KCNB2: variants seen among roughly 807,000 people sequenced by gnomAD.
KCNB2 encodes delayed rectifier potassium channel protein.
A neutral mutation model predicts 61.5 loss-of-function variants in KCNB2; 15 were observed. The observed-to-expected ratio is 0.24, with a 90% CI of 0.16 to 0.38. KCNB2 has a LOEUF of 0.38. Among genes scored for constraint, KCNB2 ranks in the 10% least tolerant of loss-of-function variants. KCNB2 has a pLI of 1.00. For synonymous variants in KCNB2, 457 were observed against 446.0 expected (o/e 1.02, Z -0.31); for missense variants, 828 against 1,125.2 (o/e 0.74, Z 3.78).
intron 2 of KCNB2, among the ~76,000 whole-genome samples, chr8:72,907,541 T>G (rs1387858328): frequency 6.6e-6 from 1 of 152,120 alleles, no homozygotes; most frequent in Non-Finnish European, 1.5e-5. Flanking sequence ...GAGCAGATAC[T>G]GCTTGAAGCC....
chr8:72,611,217 G>A (rs997338798), intron 2 of KCNB2, among the ~76,000 whole-genome samples: 2 of 152,130 alleles, frequency 1.3e-5, no homozygotes, highest in African/African-American at 4.8e-5. Flanking sequence ...TTATGCATAT[G>A]GATGATGTTA....
chr8:72,725,561 A>ATATATATG (rs1563571947), intron 2 of KCNB2, among the ~76,000 whole-genome samples: 828 of 54,766 alleles, frequency 0.015, 30 homozygotes, highest in African/African-American at 0.044. Context: ...ATATATGTAT[A>ATATATATG]TATGTATATA....
chr8:72,765,729 G>A (rs1222836482), intron 2 of KCNB2, among the ~76,000 whole-genome samples: 2 of 152,154 alleles, frequency 1.3e-5, no homozygotes, highest in African/African-American at 2.4e-5. Context: ...AGTGGTTCTC[G>A]AACTGCAGCA....
intron 2 of KCNB2, among the ~76,000 whole-genome samples, chr8:72,727,800 A>G (rs1218772153): frequency 1.3e-5 from 2 of 152,212 alleles, no homozygotes; most frequent in Admixed American, 1.3e-4. Context: ...AACATTGAAG[A>G]TCCTTTATAT....
intron 2 of KCNB2, among the ~76,000 whole-genome samples, chr8:72,652,557 C>A (rs1029969519): frequency 6.6e-6 from 1 of 152,082 alleles, no homozygotes; most frequent in Non-Finnish European, 1.5e-5. Flanking sequence ...AATCCAAACT[C>A]CTTTCCATGA....
chr8:72,563,628 A>C (rs1396915390), intron 1 of KCNB2, among the ~76,000 whole-genome samples: 1 of 152,098 alleles, frequency 6.6e-6, no homozygotes, highest in African/African-American at 2.4e-5. Flanking sequence ...TGTGGCGTTA[A>C]CAGACATGGG....
chr8:72,696,675 A>C (rs1373600829), intron 2 of KCNB2, among the ~76,000 whole-genome samples: 1 of 152,160 alleles, frequency 6.6e-6, no homozygotes, highest in Non-Finnish European at 1.5e-5. Flanking sequence ...AAACAGCCCC[A>C]TTCTGATCTT....
intron 2 of KCNB2, among the ~76,000 whole-genome samples, chr8:72,647,105 C>T (rs749581588): frequency 1.3e-5 from 2 of 152,090 alleles, no homozygotes; most frequent in Admixed American, 6.6e-5. Context: ...AGGTTGGCAG[C>T]GTGCGTGAGG....
At chr8:72,710,861 G>A (rs1807314573) in intron 2 of KCNB2, among the ~76,000 whole-genome samples, 1 of 152,204 alleles carries the variant, frequency 6.6e-6, no homozygotes, top group Non-Finnish European at 1.5e-5. Context: ...CAATGGATTA[G>A]AAGGCCTCTC....
At chr8:72,815,076 T>C (rs191524071) in intron 2 of KCNB2, among the ~76,000 whole-genome samples, 155 of 152,274 alleles carry the variant, frequency 1.0e-3, no homozygotes, top group African/African-American at 3.5e-3. Flanking sequence ...TTTTTAATTT[T>C]TAGGATGTTT....
In KCNB2 at chr8:72,568,224, G is replaced by A; in HGVS notation, c.490G>A (p.Gly164Arg). 1 of 1,614,162 alleles carries A rather than the reference G, an allele frequency of 6.2e-7. No homozygotes were observed. The highest frequency in any genetic ancestry group is 8.5e-7 in the Non-Finnish European group (1 of 1,180,038). The change falls in exon 2 of 3, where the codon GGA (glycine) becomes AGA (arginine). Residue 164 changes from glycine (G) to arginine (R), a missense_variant. Transcript: ENST00000523207. ...GGCAGAGACTATGCGAGAGCGAGAA[G>A]GAGAAGAGTTTGATAATACCTGCTG... ...REAETMRERE[G>R]EEFDNTCCPD...
rs147107107 is a variant in KCNB2, at chr8:72,814,705, A to G, written c.580-121230A>G. Among the ~76,000 whole-genome samples the G allele has an allele frequency of 1.4e-4, 22 of 152,338 alleles. No homozygotes were observed. In the East Asian group the frequency reaches 3.9e-3, roughly 27 times the overall value. On this transcript the variant is annotated intron_variant, in intron 2 of 2. Coordinates refer to ENST00000523207, the MANE Select transcript of KCNB2 (RefSeq NM_004770.3). The stretch of plus-strand genomic sequence containing the variant: ...TAAATTAATTTTCATTTAGATTGAT[A>G]CTAGGCAAAGTTCTAACATTGAGGA...
chr8:72,618,195 A>T (rs945521695), intron 2 of KCNB2, among the ~76,000 whole-genome samples: 2 of 152,080 alleles, frequency 1.3e-5, no homozygotes, highest in Non-Finnish European at 2.9e-5. Context: ...AAAAAAAAAA[A>T]TCCCAAAGAA....
chr8:72,909,327 G>A (rs1419149091), intron 2 of KCNB2, among the ~76,000 whole-genome samples: 1 of 152,120 alleles, frequency 6.6e-6, no homozygotes, highest in Non-Finnish European at 1.5e-5. Flanking sequence ...AACACATCAG[G>A]CAAAGGGACC....
chr8:72,760,705 C>A (rs756627645), intron 2 of KCNB2, among the ~76,000 whole-genome samples: 11 of 152,202 alleles, frequency 7.2e-5, no homozygotes, highest in Non-Finnish European at 1.5e-4. Flanking sequence ...CCTCAGTTAG[C>A]AGCATATACT....
chr8:72,568,352 G>A (rs1267109878), intron 2 of KCNB2, 39 bp downstream of exon 2: 1 of 1,512,046 alleles, frequency 6.6e-7, no homozygotes, highest in Admixed American at 2.0e-5. Context: ...TGTGTGGTCA[G>A]AAAAGATGCT....
At chr8:72,677,974 C>T (rs903811487) in intron 2 of KCNB2, among the ~76,000 whole-genome samples, 10 of 152,154 alleles carry the variant, frequency 6.6e-5, no homozygotes, top group African/African-American at 1.9e-4. Context: ...CAAGAATTGT[C>T]TATCTGTTAC....
chr8:72,713,307 G>C (rs548081267), intron 2 of KCNB2, among the ~76,000 whole-genome samples: 4 of 152,338 alleles, frequency 2.6e-5, no homozygotes, highest in South Asian at 4.1e-4. Context: ...GCTTTGAAGA[G>C]AATAGTGGTT....
At chr8:72,646,984 C>A (rs941566481) in intron 2 of KCNB2, among the ~76,000 whole-genome samples, 1 of 152,248 alleles carries the variant, frequency 6.6e-6, no homozygotes, top group Non-Finnish European at 1.5e-5. Flanking sequence ...TAAGTAACCT[C>A]AAGATCACTC....
Sources: allele counts gnomAD v4.1 joint callset (sites outside exome capture counted in the v4.1 genomes callset), GRCh38; gene constraint gnomAD v4.1.1; transcripts MANE v1.5; gene names NCBI Gene and HGNC (gene_info 2026-07-23, HGNC 2026-07-21).